Variants in FAM186B observed in about 807,000 individuals in gnomAD.
FAM186B encodes the protein family with sequence similarity 186 member B.
Under a neutral mutation model 83.4 loss-of-function variants are expected in FAM186B, and 68 were observed. The ratio of observed to expected loss-of-function variants is 0.81; its 90% confidence interval spans 0.67 to 1.00. The LOEUF (loss-of-function observed/expected upper bound fraction) is 1.00. Ranked by LOEUF, FAM186B falls within the 50% of genes least tolerant of loss-of-function variation. The probability of loss-of-function intolerance (pLI) is 0.00; values close to 1 mark genes in which losing one functional copy is unlikely to be tolerated. For missense variants in FAM186B, 983 were observed against 1,099.2 expected (o/e 0.89, Z 1.49); for synonymous variants, 389 against 422.0 (o/e 0.92, Z 0.96).
intron 5 of FAM186B, among the ~76,000 whole-genome samples, chr12:49,591,242 A>G (rs1434052245): frequency 6.6e-6 from 1 of 152,206 alleles, no homozygotes; most frequent in Non-Finnish European, 1.5e-5. Flanking sequence ...GAGAGGAGGA[A>G]GCCACATGGC....
Position 49,605,182 on chromosome 12 carries a change from G to A in FAM186B, c.96+200C>T, listed in dbSNP as rs1027213297. ...CCGGGCCCCAGCCCTGCCTCAGGCG[G>A]GTGGTTGCTTTCAGCTCACCCTGTA... On this transcript the variant is annotated intron_variant, in intron 1 of 6. Transcript: ENST00000257894. 7 of 1,401,150 alleles carry A rather than the reference G, an allele frequency of 5.0e-6. No individual in the cohort carries two copies. The African/African-American group carries it at 1.0e-4, about 20-fold the overall frequency. 86.8% of individuals were successfully genotyped at this position (1,401,150 alleles called of 1,614,324 possible). A position where few individuals can be genotyped will look rare whatever the true frequency, so the allele number is the denominator to read the frequency against.
the FAM186B span, among the ~76,000 whole-genome samples, chr12:49,613,136 G>A: frequency 2.6e-5 from 4 of 152,078 alleles, no homozygotes; most frequent in Non-Finnish European, 5.9e-5. Context: ...AATGACTTTT[G>A]GGTAAGCAAT....
At chr12:49,585,532 G>T (rs926528830), downstream of FAM186B, among the ~76,000 whole-genome samples, 11 of 152,186 alleles carry the variant, frequency 7.2e-5, no homozygotes, top group African/African-American at 2.7e-4. Context: ...GGGTTTTGAG[G>T]GATGCAATCT....
upstream of FAM186B, among the ~76,000 whole-genome samples, chr12:49,606,814 C>A (rs935768296): frequency 6.6e-6 from 1 of 152,158 alleles, no homozygotes; most frequent in Non-Finnish European, 1.5e-5. Flanking sequence ...CACCCAACAA[C>A]AGGACACATA....
At position 49,605,528 on chromosome 12, in the gene FAM186B, C is replaced by A; in HGVS notation, c.-51G>T. On this transcript the variant is annotated 5_prime_UTR_variant, in exon 1 of 7. Coordinates refer to ENST00000257894, the MANE Select transcript of FAM186B (RefSeq NM_032130.3). ...ACATCCTGTGTTTCTGGTCCACAGG[C>A]CTGGACACACAATGTTGCCTGCTTT... 6.4e-7 allele frequency: 1 copy of A among 1,573,580 alleles called. No individual in the cohort carries two copies. The highest frequency in any genetic ancestry group is 1.2e-5 in the South Asian group (1 of 85,130).
the FAM186B span, among the ~76,000 whole-genome samples, chr12:49,611,217 A>G: frequency 6.6e-6 from 1 of 151,976 alleles, no homozygotes; most frequent in Non-Finnish European, 1.5e-5. Context: ...TACTAAAAAT[A>G]CAAAAATTAG....
chr12:49,600,498 TC>T lies in FAM186B; in HGVS notation c.1141del (p.Asp381ThrfsTer5). 1 of 1,614,084 alleles carries T rather than the reference TC, an allele frequency of 6.2e-7. No individual in the cohort carries two copies. The highest frequency in any genetic ancestry group is 8.5e-7 in the Non-Finnish European group (1 of 1,179,980). On this transcript the variant is annotated frameshift_variant, in exon 4 of 7. Coordinates refer to ENST00000257894, the MANE Select transcript of FAM186B (RefSeq NM_032130.3). LOFTEE classifies it high-confidence loss of function. The surrounding 1 kb of genome is among the most constrained non-coding windows in gnomAD (Gnocchi z 4.3). ...GTGCCCTGCAGCTATAGCACCACTGTCCCGTATCATGGCCATGGGACTTGGG... is the reference window on the plus strand; with the variant it reads ...GTGCCCTGCAGCTATAGCACCACTGTCCGTATCATGGCCATGGGACTTGGG... ...LPPSPMAMIR[D>X]SGAIAAGHQP...
At chr12:49,616,247 C>T in the FAM186B span, among the ~76,000 whole-genome samples, 15 of 152,298 alleles carry the variant, frequency 9.8e-5, no homozygotes, top group East Asian at 2.9e-3. Context: ...CTAGGCTGGT[C>T]TCGAACTCCT....
At chr12:49,609,142 AG>A (rs1407744710), upstream of FAM186B, among the ~76,000 whole-genome samples, 1 of 152,150 alleles carries the variant, frequency 6.6e-6, no homozygotes, top group Non-Finnish European at 1.5e-5. Context: ...GGGGTGGGAA[AG>A]GGACTGCTAC....
upstream of FAM186B, chr12:49,605,697 T>G: frequency 2.2e-6 from 1 of 452,258 alleles, no homozygotes; most frequent in Middle Eastern, 5.8e-4. Context: ...GAGATGAGAC[T>G]CCCCACTATC....
At chr12:49,605,765 T>C (rs1940006607), upstream of FAM186B, 2 of 233,114 alleles carry the variant, frequency 8.6e-6, no homozygotes, top group Non-Finnish European at 1.7e-5. Context: ...TTTCTTTTTT[T>C]TTTTTTTTTT....
At chr12:49,585,113 C>T (rs1227976220), downstream of FAM186B, among the ~76,000 whole-genome samples, 1 of 152,106 alleles carries the variant, frequency 6.6e-6, no homozygotes, top group African/African-American at 2.4e-5. Flanking sequence ...CTGCCTCCTG[C>T]GTTCACACCA....
downstream of FAM186B, chr12:49,587,355 G>A (rs762981280): frequency 7.5e-6 from 4 of 532,566 alleles, no homozygotes; most frequent in Non-Finnish European, 1.3e-5. Context: ...CAGTGTGAAG[G>A]AAAAGCCCCC....
rs187270387 is a variant in FAM186B at position 49,601,197 on chromosome 12, C to A, written c.506-63G>T. On this transcript the variant is annotated intron_variant, in intron 3 of 6. Coordinates refer to ENST00000257894, the MANE Select transcript of FAM186B (RefSeq NM_032130.3). ...ATGGGTCCCAAGGATTGCATTGATT[C>A]TCCAAACCCTGCAGGGCCAAAATGG... 13 of 1,505,196 alleles carry A rather than the reference C, an allele frequency of 8.6e-6. No homozygotes were observed. The East Asian group carries it at 2.5e-4, about 29-fold the overall frequency. The allele number at this position is 1,505,196 out of a possible 1,614,324, so 93.2% of individuals were successfully genotyped here.
the FAM186B span, chr12:49,622,501 T>G: frequency 1.3e-5 from 2 of 152,276 alleles, no homozygotes; most frequent in African/African-American, 4.8e-5. Context: ...ATCAATACGC[T>G]GCCTCAAATA....
downstream of FAM186B, chr12:49,587,464 G>T: frequency 8.4e-7 from 1 of 1,190,364 alleles, no homozygotes; most frequent in Non-Finnish European, 1.2e-6. Context: ...AACCAGGTTA[G>T]CCTCTCTCTA....
chr12:49,620,328 T>C, the FAM186B span, among the ~76,000 whole-genome samples: 1 of 152,186 alleles, frequency 6.6e-6, no homozygotes, highest in Admixed American at 6.5e-5. Context: ...ATTTAACTTT[T>C]TTCTGCCTGT....
At chr12:49,594,106 C>G (rs1017724071) in intron 5 of FAM186B, 3 of 240,094 alleles carry the variant, frequency 1.2e-5, no homozygotes, top group African/African-American at 6.9e-5. Flanking sequence ...CCAGGACATT[C>G]AACCCCCAAG....
upstream of FAM186B, among the ~76,000 whole-genome samples, chr12:49,607,050 G>T (rs1027852175): frequency 2.0e-5 from 3 of 151,992 alleles, no homozygotes; most frequent in African/African-American, 7.2e-5. Flanking sequence ...AAATCACAGG[G>T]AAAGTTATGA....
Sources: allele counts gnomAD v4.1 joint callset (sites outside exome capture counted in the v4.1 genomes callset), GRCh38; gene constraint gnomAD v4.1.1; non-coding constraint Gnocchi (gnomAD v3.1); transcripts MANE v1.5; gene names NCBI Gene and HGNC (gene_info 2026-07-23, HGNC 2026-07-21).